Variants in BBS7 observed in about 807,000 individuals in gnomAD.
The protein encoded by BBS7 is BBSome complex member BBS7.
In BBS7, 50 loss-of-function variants were observed where a neutral mutation model predicts 90.3. The ratio of observed to expected loss-of-function variants is 0.55; its 90% CI spans 0.44 to 0.70. BBS7 has a LOEUF of 0.70. Among genes scored for constraint, BBS7 ranks in the 30% least tolerant of loss-of-function variants. The pLI is 0.00. For synonymous variants in BBS7, 235 were observed against 287.4 expected (o/e 0.82, Z 1.85); for missense variants, 729 against 838.9 (o/e 0.87, Z 1.62).
At chr4:121,848,124 C>G (rs1578549610) in intron 9 of BBS7, among the ~76,000 whole-genome samples, 1 of 152,018 alleles carries the variant, frequency 6.6e-6, no homozygotes, top group South Asian at 2.1e-4. Context: ...AATCAAGAAG[C>G]CTACATTTTC....
At chr4:121,829,259 G>A (rs1440228247) in intron 15 of BBS7, among the ~76,000 whole-genome samples, 1 of 146,854 alleles carries the variant, frequency 6.8e-6, no homozygotes, top group Non-Finnish European at 1.5e-5. Context: ...TTTTTGAGAC[G>A]GAGTCTCATT....
rs1057519027 is a variant in BBS7, at chr4:121,828,271, T to G, written c.1891-2A>C. ...ATTTCCCTCATGAATCTGTAATTCC[T>G]ATTTAAAATGAAAAACAGAAGCACC... is the stretch of plus-strand genomic sequence containing the variant. On this transcript the variant is annotated splice_acceptor_variant, in intron 17 of 18. Transcript: ENST00000264499. LOFTEE classifies it high-confidence loss of function. 2 of 1,612,156 alleles carry G rather than the reference T, an allele frequency of 1.2e-6. No homozygotes were observed. The highest frequency in any genetic ancestry group is 4.5e-5 in the East Asian group (2 of 44,794).
rs1333553284 is a variant in BBS7, at chr4:121,855,516, C to G, written c.574G>C (p.Val192Leu). 1 of 1,613,494 alleles carries G rather than the reference C, an allele frequency of 6.2e-7. No individual in the cohort carries two copies. The highest frequency in any genetic ancestry group is 1.3e-5 in the African/African-American group (1 of 74,856). ...CCATTTCCATTGTGTAGTGCTAAGA[C>G]AGTAGGGGGTCCAGGAACTTCAACT... ...YAVEVPGPPTVLALHNGNGGD... is the reference protein window; with the variant it reads ...YAVEVPGPPTLLALHNGNGGD... The change falls in exon 6 of 19, where the codon GTC becomes CTC. Residue 192 changes from valine to leucine, a missense_variant. Coordinates refer to ENST00000264499, the MANE Select transcript of BBS7 (RefSeq NM_176824.3).
At position 121,835,157 on chromosome 4, in the gene BBS7, T is replaced by G; in HGVS notation, c.1498A>C (p.Ile500Leu). 1 of 1,613,896 alleles carries G rather than the reference T, an allele frequency of 6.2e-7. No homozygotes were observed. The highest frequency in any genetic ancestry group is 1.1e-5 in the South Asian group (1 of 91,078). The change falls in exon 14 of 19, where the codon ATT becomes CTT. Residue 500 changes from isoleucine (I) to leucine (L), a missense_variant. Physicochemically the swap from Ile to Leu is conservative, Grantham distance 5. Coordinates refer to ENST00000264499, the MANE Select transcript of BBS7 (RefSeq NM_176824.3). ...PLSLHQRTHF[I>L]DHDRPMNTLT... ...CCTTTGTCCTACCTGTCATGATCAA[T>G]AAAGTGAGTTCTTTGATGGAGTGAA... is the stretch of plus-strand genomic sequence containing the variant.
At chr4:121,849,005 T>C (rs1053439289) in intron 8 of BBS7, 77 bp from the exon 9 acceptor site, 1 of 1,077,524 alleles carries the variant, frequency 9.3e-7, no homozygotes, top group African/African-American at 1.5e-5. Context: ...CACACAACGT[T>C]TTCCCTGGCT....
chr4:121,834,196 G>A (rs1725333787), intron 14 of BBS7, among the ~76,000 whole-genome samples: 1 of 152,148 alleles, frequency 6.6e-6, no homozygotes, highest in Admixed American at 6.6e-5. Flanking sequence ...GACCAATCCT[G>A]TCATTTGCAG....
intron 2 of BBS7, among the ~76,000 whole-genome samples, chr4:121,866,726 T>A (rs890500245): frequency 6.6e-6 from 1 of 152,210 alleles, no homozygotes; most frequent in Non-Finnish European, 1.5e-5. Context: ...TTGTCAAAAA[T>A]CAGTTGGTTG....
chr4:121,855,797 T>C (rs1357208466), intron 5 of BBS7, among the ~76,000 whole-genome samples: 2 of 151,670 alleles, frequency 1.3e-5, no homozygotes, highest in Non-Finnish European at 2.9e-5. Flanking sequence ...TATACGTATA[T>C]ATACAGATAT....
intron 12 of BBS7, among the ~76,000 whole-genome samples, chr4:121,840,201 T>C (rs371507569): frequency 1.3e-4 from 20 of 152,312 alleles, no homozygotes; most frequent in African/African-American, 3.6e-4. Flanking sequence ...TAAGATCTGA[T>C]GGTTTTATAA....
Position 121,825,781 on chromosome 4 carries a change from A to G in BBS7, c.*79T>C. ...AAAAGCATTTGAAATTAAAGTACAT[A>G]CACAGTTAACTTCTAATTCTCTTTT... On this transcript the variant is annotated 3_prime_UTR_variant, in exon 19 of 19. Transcript: ENST00000264499. 6.9e-7 allele frequency: 1 copy of G among 1,451,876 alleles called. No individual in the cohort carries two copies. Among genetic ancestry groups the G allele is most frequent in the Non-Finnish European group, 9.5e-7 (1 of 1,048,166 alleles). The allele number at this position is 1,451,876 out of a possible 1,614,324, so 89.9% of individuals were successfully genotyped here. A position where few individuals can be genotyped will look rare whatever the true frequency, so the allele number is the denominator to read the frequency against.
rs887375112 is a variant in BBS7 at position 121,869,962 on chromosome 4, C to T, written c.36+316G>A. 1.1e-4 allele frequency among the ~76,000 whole-genome samples: 16 copies of T among 152,330 alleles called. No individual in the cohort carries two copies. The Middle Eastern group carries it at 0.01, about 97-fold the overall frequency. Reference sequence around the variant, plus strand: ...AGATTGAGGATTAGAGGCCCTCAGGCAGCCACGGCTAGGGAGGAGGAGAAG... The same window carrying T: ...AGATTGAGGATTAGAGGCCCTCAGGTAGCCACGGCTAGGGAGGAGGAGAAG... On this transcript the variant is annotated intron_variant, in intron 1 of 18. Transcript: ENST00000264499.
chr4:121,847,795 A>C (rs1726092267), intron 9 of BBS7, among the ~76,000 whole-genome samples: 2 of 152,152 alleles, frequency 1.3e-5, no homozygotes, highest in Non-Finnish European at 2.9e-5. Context: ...AGTATGGAAT[A>C]AGTCAACATA....
chr4:121,860,153 T>C (rs1227632348), intron 4 of BBS7, among the ~76,000 whole-genome samples: 1 of 152,090 alleles, frequency 6.6e-6, no homozygotes, highest in Non-Finnish European at 1.5e-5. Flanking sequence ...CTGCATATGA[T>C]TGAATAGTCC....
intron 12 of BBS7, among the ~76,000 whole-genome samples, chr4:121,843,097 T>G (rs1387420219): frequency 1.3e-5 from 2 of 152,124 alleles, no homozygotes; most frequent in Non-Finnish European, 2.9e-5. Context: ...GAACTTCAGT[T>G]TGGCAGAAAT....
intron 8 of BBS7, among the ~76,000 whole-genome samples, chr4:121,849,568 C>T (rs1409582760): frequency 7.0e-6 from 1 of 143,064 alleles, no homozygotes; most frequent in Non-Finnish European, 1.6e-5. Context: ...GTGGCTCACA[C>T]CTGTAATCCC....
intron 15 of BBS7, among the ~76,000 whole-genome samples, chr4:121,829,486 T>G (rs539535153): frequency 5.8e-4 from 89 of 152,340 alleles, no homozygotes; most frequent in African/African-American, 2.0e-3. Flanking sequence ...TCCGCCCACC[T>G]TGGCCTCCCA....
rs1725385230 is a variant in BBS7, at chr4:121,835,126, C to T, written c.1511+18G>A. The T allele has an allele frequency of 1.2e-6, 2 of 1,613,096 alleles. No individual in the cohort carries two copies. The highest frequency in any genetic ancestry group is 2.2e-5 in the East Asian group (1 of 44,848). On this transcript the variant is annotated intron_variant, in intron 14 of 18. Transcript: ENST00000264499. The stretch of plus-strand genomic sequence containing the variant: ...TGTGTAATATCCTAAAAAGAATTTG[C>T]TCTTTCCTTTGTCCTACCTGTCATG...
At chr4:121,849,468 T>C (rs1030801960) in intron 8 of BBS7, among the ~76,000 whole-genome samples, 3 of 152,226 alleles carry the variant, frequency 2.0e-5, no homozygotes, top group African/African-American at 7.2e-5. Flanking sequence ...CCCAAACTGC[T>C]AGGATTATAG....
At position 121,848,913 on chromosome 4, in the gene BBS7, C is replaced by G; in HGVS notation, c.865G>C (p.Val289Leu). 1 of 1,613,752 alleles carries G rather than the reference C, an allele frequency of 6.2e-7. No individual in the cohort carries two copies. The highest frequency in any genetic ancestry group is 8.5e-7 in the Non-Finnish European group (1 of 1,179,908). ...ACACAACCACCCTGGATAGATGTGA[C>G]GCTTTCAGACAACATCTAAAAAAGT... ...LRFDQMLSESVTSIQGGCVGK... is the reference protein window; with the variant it reads ...LRFDQMLSESLTSIQGGCVGK... The change falls in exon 9 of 19, where the codon GTC (valine) becomes CTC (leucine). Residue 289 changes from valine to leucine, a missense_variant. Physicochemically the swap from Val to Leu is conservative, Grantham distance 32. Transcript: ENST00000264499.
Sources: allele counts gnomAD v4.1 joint callset (sites outside exome capture counted in the v4.1 genomes callset), GRCh38; gene constraint gnomAD v4.1.1; transcripts MANE v1.5; gene names NCBI Gene and HGNC (gene_info 2026-07-23, HGNC 2026-07-21).